Variants in NUP214 observed in about 807,000 individuals in gnomAD.
NUP214 encodes the protein nuclear pore complex protein Nup214.
Under a neutral mutation model 196.2 loss-of-function variants are expected in NUP214, and 79 were observed. That is an observed-to-expected ratio of 0.40 (90% CI 0.34 to 0.49). The LOEUF (loss-of-function observed/expected upper bound fraction) is 0.49. Ranked by LOEUF, NUP214 falls within the 20% of genes least tolerant of loss-of-function variation. The pLI, the probability that NUP214 is intolerant of heterozygous loss-of-function variation, is 0.58. For missense variants in NUP214, 2,468 were observed against 2,539.0 expected, an observed-to-expected ratio of 0.97 and a Z score of 0.60; for synonymous variants, 1,020 against 990.5, an observed-to-expected ratio of 1.03 and a Z score of -0.56.
At chr9:131,126,261 G>A (rs1831345867) in intron 1 of NUP214, 1 of 156,892 alleles carries the variant, frequency 6.4e-6, no homozygotes, top group Non-Finnish European at 1.4e-5. Context: ...TTAGTTGATT[G>A]GACTAGGAAG....
chr9:131,144,123 T>G (rs1832010959), intron 11 of NUP214, among the ~76,000 whole-genome samples, 157 bp from the exon 12 acceptor site: 2 of 152,218 alleles, frequency 1.3e-5, no homozygotes, highest in Non-Finnish European at 2.9e-5. Context: ...ACCTGAAAAC[T>G]CCAACATGAA....
intron 31 of NUP214, among the ~76,000 whole-genome samples, chr9:131,221,854 CAAA>C (rs3840730): frequency 1.3e-5 from 2 of 151,910 alleles, no homozygotes; most frequent in African/African-American, 4.8e-5. Context: ...CCACCCCCCC[CAAA>C]AAAAGTTTGA....
intron 14 of NUP214, among the ~76,000 whole-genome samples, chr9:131,147,789 A>G (rs1290882401): frequency 3.3e-5 from 5 of 152,248 alleles, no homozygotes; most frequent in Admixed American, 2.6e-4. Flanking sequence ...TTATTCATGT[A>G]TAATACAAAT....
chr9:131,200,417 AAC>A (rs1833908150), intron 29 of NUP214, among the ~76,000 whole-genome samples: 1 of 152,230 alleles, frequency 6.6e-6, no homozygotes, highest in Non-Finnish European at 1.5e-5. Context: ...CTCTACTAAA[AAC>A]ACAAACATTG....
chr9:131,199,745 T>C (rs1398319442), intron 29 of NUP214, among the ~76,000 whole-genome samples: 3 of 152,206 alleles, frequency 2.0e-5, no homozygotes, highest in Non-Finnish European at 4.4e-5. Context: ...TCTTCAGCAA[T>C]AGACTCTAGG....
At chr9:131,136,130 T>C in intron 9 of NUP214, 124 bp downstream of exon 9, 1 of 750,714 alleles carries the variant, frequency 1.3e-6, no homozygotes, top group Admixed American at 2.8e-5. Flanking sequence ...AACCTCTGCC[T>C]TCCAAGTTCA....
chr9:131,147,929 G>A (rs536837171), intron 14 of NUP214, among the ~76,000 whole-genome samples: 1 of 152,386 alleles, frequency 6.6e-6, no homozygotes, highest in South Asian at 2.1e-4. Flanking sequence ...GGTCATGCCT[G>A]TAATCCCAGC....
chr9:131,174,451 T>TTTC, intron 22 of NUP214, 133 bp downstream of exon 22: 1 of 554,258 alleles, frequency 1.8e-6, no homozygotes, highest in Non-Finnish European at 2.8e-6. Context: ...TTTTTTCTTT[T>TTTC]TTTCTTTTTT....
At chr9:131,194,368 T>G (rs1248500086) in intron 27 of NUP214, among the ~76,000 whole-genome samples, 1 of 152,010 alleles carries the variant, frequency 6.6e-6, no homozygotes, top group Admixed American at 6.6e-5. Flanking sequence ...TTTTGGTTTT[T>G]GGGGGTTTTT....
intron 33 of NUP214, chr9:131,229,550 C>T: frequency 5.3e-6 from 2 of 375,824 alleles, no homozygotes; most frequent in Non-Finnish European, 1.0e-5. Context: ...AAAGTATATT[C>T]TGCCTTGGGG....
rs1241343134 is a variant in NUP214, at chr9:131,146,650, C to T, written c.1945+346C>T. ...AAGCACAGGCACAAGAGTTGTTTGGCGGGGTGCGGTGGCTCACGCCTATAA... is the reference window on the plus strand; with the variant it reads ...AAGCACAGGCACAAGAGTTGTTTGGTGGGGTGCGGTGGCTCACGCCTATAA... On this transcript the variant is annotated intron_variant, in intron 13 of 35. Coordinates refer to ENST00000359428, the MANE Select transcript of NUP214 (RefSeq NM_005085.4). The surrounding 1 kb of genome is among the most constrained non-coding windows in gnomAD (Gnocchi z 4.6). Among the ~76,000 whole-genome samples, 3 of 152,136 alleles carry T rather than the reference C, an allele frequency of 2.0e-5. No individual in the cohort carries two copies. Among genetic ancestry groups the T allele is most frequent in the African/African-American group, 4.8e-5 (2 of 41,422 alleles).
chr9:131,191,694 A>T (rs1833606281), intron 26 of NUP214: 1 of 152,256 alleles, frequency 6.6e-6, no homozygotes, highest in Non-Finnish European at 1.5e-5. Flanking sequence ...AAATGCAGAA[A>T]TGTATATAGA....
At chr9:131,227,242 G>A (rs1350138356) in intron 32 of NUP214, among the ~76,000 whole-genome samples, 1 of 152,208 alleles carries the variant, frequency 6.6e-6, no homozygotes, top group Admixed American at 6.5e-5. Flanking sequence ...ATCAGAGTAG[G>A]GTGCCCTGTG....
chr9:131,186,717 T>C (rs1380687725), intron 24 of NUP214, among the ~76,000 whole-genome samples: 2 of 152,250 alleles, frequency 1.3e-5, no homozygotes, highest in Non-Finnish European at 2.9e-5. Context: ...TGATGAGAGC[T>C]CTTTCTGCGA....
At position 131,150,325 on chromosome 9, in the gene NUP214, CAA is replaced by C; in HGVS notation, c.2044_2045del (p.Lys682ValfsTer53). 1 of 1,614,008 alleles carries C rather than the reference CAA, an allele frequency of 6.2e-7. No individual in the cohort carries two copies. Among genetic ancestry groups the C allele is most frequent in the Non-Finnish European group, 8.5e-7 (1 of 1,179,878 alleles). On this transcript the variant is annotated frameshift_variant and splice_region_variant, in exon 15 of 36. Transcript: ENST00000359428. LOFTEE classifies it high-confidence loss of function. ...TTAAACCTTTTCCTTCCATTTCAGGCAAAGTCACTTCAGCCTGCTGTTGCAGA... is the reference window on the plus strand; with the variant it reads ...TTAAACCTTTTCCTTCCATTTCAGGCAGTCACTTCAGCCTGCTGTTGCAGA...
intron 12 of NUP214, 86 bp downstream of exon 12, chr9:131,144,840 G>A (rs1165381511): frequency 1.9e-6 from 2 of 1,042,252 alleles, no homozygotes; most frequent in Non-Finnish European, 2.8e-6. Context: ...ACTCTGAGAG[G>A]AGTTAACTGA....
intron 24 of NUP214, among the ~76,000 whole-genome samples, chr9:131,184,272 C>T (rs2131017869): frequency 6.6e-6 from 1 of 150,478 alleles, no homozygotes; most frequent in South Asian, 2.1e-4. Context: ...CTCAGATGAT[C>T]CACCCACCTT....
chr9:131,231,223 C>T (rs1250111996), intron 34 of NUP214, among the ~76,000 whole-genome samples: 6 of 152,190 alleles, frequency 3.9e-5, no homozygotes, highest in East Asian at 3.9e-4. Context: ...GACGGAGTCT[C>T]GCTCTGTTGC....
chr9:131,201,104 A>T (rs975327146), intron 29 of NUP214, among the ~76,000 whole-genome samples: 10 of 147,312 alleles, frequency 6.8e-5, no homozygotes. Context: ...TCCATACTAG[A>T]TGAGGAAACA....
Sources: allele counts gnomAD v4.1 joint callset (sites outside exome capture counted in the v4.1 genomes callset), GRCh38; gene constraint gnomAD v4.1.1; non-coding constraint Gnocchi (gnomAD v3.1); transcripts MANE v1.5; gene names NCBI Gene and HGNC (gene_info 2026-07-23, HGNC 2026-07-21).